The following SEMA5A variants were observed in gnomAD, a reference collection of about 807,000 sequenced individuals.
SEMA5A encodes semaphorin 5A, also known as semaphorin-5A.
Under a neutral mutation model 135.5 loss-of-function variants are expected in SEMA5A, and 55 were observed. The ratio of observed to expected loss-of-function variants is 0.41; its 90% CI spans 0.33 to 0.51. The LOEUF (loss-of-function observed/expected upper bound fraction) is 0.51, where lower values mean the gene tolerates loss of function less well. Ranked by LOEUF, SEMA5A falls within the 20% of genes least tolerant of loss-of-function variation. The probability of loss-of-function intolerance (pLI) is 0.37; values close to 1 mark genes in which losing one functional copy is unlikely to be tolerated. For synonymous variants in SEMA5A, 580 were observed against 546.5 expected, an observed-to-expected ratio of 1.06 and a Z score of -0.85; for missense variants, 1,290 against 1,419.9, an observed-to-expected ratio of 0.91 and a Z score of 1.47.
intron 17 of SEMA5A, among the ~76,000 whole-genome samples, chr5:9,065,253 G>A (rs1737400751): frequency 6.6e-6 from 1 of 152,132 alleles, no homozygotes; most frequent in Non-Finnish European, 1.5e-5. Flanking sequence ...GCACCTGCTG[G>A]GCCTCCAGGC....
intron 2 of SEMA5A, among the ~76,000 whole-genome samples, chr5:9,433,020 G>A (rs1259902093): frequency 6.6e-6 from 1 of 152,182 alleles, no homozygotes; most frequent in African/African-American, 2.4e-5. Flanking sequence ...GAAAATTTAA[G>A]TTGTCTGGTT....
intron 3 of SEMA5A, among the ~76,000 whole-genome samples, chr5:9,350,915 CCTT>C (rs1372862855): frequency 1.3e-5 from 2 of 152,186 alleles, no homozygotes; most frequent in Non-Finnish European, 2.9e-5. Flanking sequence ...TTCTGTGAGT[CCTT>C]CTAGAAAATC....
chr5:9,360,659 T>C (rs1041579102), intron 3 of SEMA5A, among the ~76,000 whole-genome samples: 1 of 152,194 alleles, frequency 6.6e-6, no homozygotes, highest in Non-Finnish European at 1.5e-5. Context: ...GCATACAATA[T>C]TCTCGGCACT....
intron 13 of SEMA5A, among the ~76,000 whole-genome samples, chr5:9,124,135 G>T (rs1335839737): frequency 6.6e-6 from 1 of 152,100 alleles, no homozygotes; most frequent in African/African-American, 2.4e-5. Flanking sequence ...GGAACCCAGG[G>T]CAGGGACCTT....
At chr5:9,278,033 T>C (rs1423939190) in intron 5 of SEMA5A, among the ~76,000 whole-genome samples, 1 of 152,002 alleles carries the variant, frequency 6.6e-6, no homozygotes, top group African/African-American at 2.4e-5. Flanking sequence ...AAATTAAATT[T>C]TGGAGATGTG....
chr5:9,448,351 G>T (rs989810655), intron 1 of SEMA5A, among the ~76,000 whole-genome samples: 1 of 152,212 alleles, frequency 6.6e-6, no homozygotes, highest in Non-Finnish European at 1.5e-5. Context: ...AGCCTGAAAT[G>T]CAAACCATGT....
chr5:9,123,374 AG>A (rs957070453), intron 13 of SEMA5A, among the ~76,000 whole-genome samples: 4 of 123,188 alleles, frequency 3.2e-5, no homozygotes, highest in Admixed American at 3.1e-4. Context: ...GGAGGGAGAC[AG>A]GGGGAAAGGG....
chr5:9,131,794 A>T (rs974965928), intron 13 of SEMA5A, among the ~76,000 whole-genome samples: 1 of 151,972 alleles, frequency 6.6e-6, no homozygotes, highest in Admixed American at 6.6e-5. Context: ...TCACATTTCA[A>T]CATCATATTT....
At chr5:9,061,524 C>T (rs540454011) in intron 18 of SEMA5A, among the ~76,000 whole-genome samples, 4 of 152,136 alleles carry the variant, frequency 2.6e-5, no homozygotes, top group South Asian at 2.1e-4. Flanking sequence ...GAAGACTTTC[C>T]GTGGGTTCTG....
chr5:9,311,536 T>C (rs979032812), intron 5 of SEMA5A, among the ~76,000 whole-genome samples: 1 of 131,606 alleles, frequency 7.6e-6, no homozygotes, highest in African/African-American at 2.9e-5. Flanking sequence ...AGGTGGGAAT[T>C]GAACAAGGAG....
intron 2 of SEMA5A, among the ~76,000 whole-genome samples, chr5:9,392,792 T>C (rs768499724): frequency 3.9e-5 from 6 of 152,178 alleles, no homozygotes; most frequent in Non-Finnish European, 8.8e-5. Flanking sequence ...GAAACCAAGA[T>C]AGTCATTTTC....
intron 22 of SEMA5A, chr5:9,043,223 T>C (rs1736058023): frequency 4.3e-6 from 2 of 467,762 alleles, no homozygotes; most frequent in Non-Finnish European, 7.5e-6. Flanking sequence ...CAGTTTGTGA[T>C]ATCTTCTGGT....
intron 3 of SEMA5A, among the ~76,000 whole-genome samples, chr5:9,373,421 C>T (rs1299687230): frequency 2.6e-5 from 4 of 152,106 alleles, no homozygotes; most frequent in African/African-American, 9.7e-5. Flanking sequence ...CCAAGTGCAA[C>T]CCCCTAGCCC....
intron 5 of SEMA5A, among the ~76,000 whole-genome samples, chr5:9,303,696 G>A (rs927993871): frequency 3.3e-5 from 5 of 152,002 alleles, no homozygotes; most frequent in African/African-American, 9.7e-5. Flanking sequence ...ATGTACAGAA[G>A]CATCAATTTT....
chr5:9,463,481 T>G (rs1579582300), intron 1 of SEMA5A, among the ~76,000 whole-genome samples: 2 of 152,126 alleles, frequency 1.3e-5, no homozygotes, highest in East Asian at 3.8e-4. Flanking sequence ...TCAGTGGCAA[T>G]CATTCTCTAA....
intron 5 of SEMA5A, among the ~76,000 whole-genome samples, chr5:9,298,384 G>A: frequency 6.6e-6 from 1 of 152,104 alleles, no homozygotes; most frequent in South Asian, 2.1e-4. Flanking sequence ...GGAAGAATAT[G>A]GCCCTGCCAA....
chr5:9,219,341 A>T (rs906612311), intron 8 of SEMA5A, among the ~76,000 whole-genome samples: 29 of 152,282 alleles, frequency 1.9e-4, no homozygotes, highest in Middle Eastern at 3.4e-3. Context: ...AAGAGAGGGA[A>T]GGAGTTGGCT....
At chr5:9,178,166 G>C (rs1197485574) in intron 11 of SEMA5A, among the ~76,000 whole-genome samples, 1 of 151,908 alleles carries the variant, frequency 6.6e-6, no homozygotes, top group Non-Finnish European at 1.5e-5. Flanking sequence ...TAAATCACCA[G>C]CAGAATCTGC....
chr5:9,110,617 G>A (rs189695931), intron 15 of SEMA5A, among the ~76,000 whole-genome samples: 2 of 152,210 alleles, frequency 1.3e-5, no homozygotes, highest in South Asian at 4.1e-4. Context: ...AAAGTGGAAG[G>A]CAGAAGACAC....
Sources: gnomAD v4.1 joint callset for allele counts (sites outside exome capture counted in the v4.1 genomes callset) on GRCh38, gnomAD v4.1.1 for gene constraint, MANE v1.5 for transcripts, NCBI Gene and HGNC (gene_info 2026-07-23, HGNC 2026-07-21) for gene names.